The following ANKS1B variants were observed in gnomAD, a reference collection of about 807,000 sequenced individuals.
ANKS1B encodes ankyrin repeat and sterile alpha motif domain containing 1B.
ANKS1B carries 36 observed loss-of-function variants against 148.3 expected under a neutral mutation model. The ratio of observed to expected loss-of-function variants is 0.24; its 90% confidence interval spans 0.19 to 0.32. The LOEUF (loss-of-function observed/expected upper bound fraction) is 0.32. Ranked by LOEUF, ANKS1B falls within the 10% of genes least tolerant of loss-of-function variation. The probability of loss-of-function intolerance (pLI) is 1.00; values close to 1 mark genes in which losing one functional copy is unlikely to be tolerated. For missense variants in ANKS1B, 1,157 were observed against 1,542.6 expected, an observed-to-expected ratio of 0.75 and a Z score of 4.19; for synonymous variants, 542 against 560.8, an observed-to-expected ratio of 0.97 and a Z score of 0.47.
At chr12:99,766,457 G>C (rs911859700) in intron 8 of ANKS1B, among the ~76,000 whole-genome samples, 1 of 152,096 alleles carries the variant, frequency 6.6e-6, no homozygotes, top group South Asian at 2.1e-4. Flanking sequence ...CCTGAGGTGA[G>C]GGTAGGAACA....
chr12:98,956,156 C>T (rs2099861844), intron 17 of ANKS1B, among the ~76,000 whole-genome samples: 1 of 152,180 alleles, frequency 6.6e-6, no homozygotes, highest in Non-Finnish European at 1.5e-5. Flanking sequence ...TGAGTGGGCA[C>T]CACTAGGCAT....
chr12:99,841,007 A>G (rs912873183), intron 1 of ANKS1B, among the ~76,000 whole-genome samples: 1 of 152,122 alleles, frequency 6.6e-6, no homozygotes, highest in Non-Finnish European at 1.5e-5. Context: ...CATAATGGAT[A>G]AAAGCACGGA....
At chr12:99,314,870 T>A (rs879909184) in intron 12 of ANKS1B, among the ~76,000 whole-genome samples, 3 of 152,148 alleles carry the variant, frequency 2.0e-5, no homozygotes, top group African/African-American at 4.8e-5. Flanking sequence ...AAAGATTTCA[T>A]GACAAAAACA....
chr12:99,126,186 G>A (rs1166903790), intron 15 of ANKS1B, among the ~76,000 whole-genome samples: 1 of 152,104 alleles, frequency 6.6e-6, no homozygotes, highest in Non-Finnish European at 1.5e-5. Context: ...TTGGAGTTTT[G>A]GGAGAAGCGA....
chr12:98,915,493 A>C (rs2099793092), intron 17 of ANKS1B, among the ~76,000 whole-genome samples: 1 of 152,142 alleles, frequency 6.6e-6, no homozygotes, highest in African/African-American at 2.4e-5. Flanking sequence ...CTGGGACTAC[A>C]GGCATGTATC....
intron 14 of ANKS1B, among the ~76,000 whole-genome samples, chr12:99,216,493 C>T (rs1230594175): frequency 6.6e-6 from 1 of 151,978 alleles, no homozygotes; most frequent in Admixed American, 6.6e-5. Flanking sequence ...ATACACATTT[C>T]TTTTTTTAAA....
chr12:99,236,908 A>G (rs1027143789), intron 14 of ANKS1B, among the ~76,000 whole-genome samples: 4 of 152,162 alleles, frequency 2.6e-5, no homozygotes, highest in Non-Finnish European at 5.9e-5. Context: ...ACGAGAACAC[A>G]TGGACACACA....
chr12:99,366,089 C>T (rs1018591782), intron 12 of ANKS1B, among the ~76,000 whole-genome samples: 2 of 152,180 alleles, frequency 1.3e-5, no homozygotes, highest in Admixed American at 6.5e-5. Context: ...GGGCAGCCCC[C>T]TCTGGACTGT....
At chr12:99,494,185 T>C (rs1040271617) in intron 10 of ANKS1B, among the ~76,000 whole-genome samples, 1 of 152,288 alleles carries the variant, frequency 6.6e-6, no homozygotes, top group East Asian at 1.9e-4. Context: ...CCCTTTTTGA[T>C]TTTGTGACAT....
intron 16 of ANKS1B, among the ~76,000 whole-genome samples, chr12:99,062,876 C>T (rs1329947360): frequency 1.3e-5 from 2 of 152,132 alleles, no homozygotes; most frequent in East Asian, 1.9e-4. Flanking sequence ...CTTGAAATTA[C>T]GGATCTGACA....
chr12:98,769,357 C>A lies in ANKS1B; in HGVS notation c.3579+3685G>T, dbSNP rs377647673. ...GTTGCATCTCAGAATTGCTCAAAGT[C>A]CCAGGTCAAGGGTGGTGGCCTTTGT... is the stretch of plus-strand genomic sequence containing the variant. On this transcript the variant is annotated intron_variant, in intron 25 of 26. Transcript: ENST00000683438. Among the ~76,000 whole-genome samples, 98 of 151,716 alleles carry A rather than the reference C, an allele frequency of 6.5e-4. 1 individual carries two copies. In the East Asian group the frequency reaches 0.015, roughly 23 times the overall value.
At chr12:99,273,092 G>T (rs1479237614) in intron 12 of ANKS1B, among the ~76,000 whole-genome samples, 2 of 152,188 alleles carry the variant, frequency 1.3e-5, no homozygotes, top group African/African-American at 4.8e-5. Flanking sequence ...CTGAAATCCA[G>T]TTGGGTGCAG....
intron 2 of ANKS1B, 93 bp from the exon 3 acceptor site, chr12:99,812,404 G>C (rs529887102): frequency 7.5e-7 from 1 of 1,331,146 alleles, no homozygotes; most frequent in African/African-American, 1.5e-5. Context: ...TGCTGGGTGG[G>C]AATTTAGAGT....
At chr12:99,592,204 T>C (rs2097709637) in intron 9 of ANKS1B, among the ~76,000 whole-genome samples, 1 of 152,162 alleles carries the variant, frequency 6.6e-6, no homozygotes, top group South Asian at 2.1e-4. Context: ...AAAATTGTAA[T>C]GACTAGAACC....
chr12:99,529,869 AT>A (rs964155172), intron 9 of ANKS1B, among the ~76,000 whole-genome samples: 2 of 152,090 alleles, frequency 1.3e-5, no homozygotes, highest in Non-Finnish European at 2.9e-5. Flanking sequence ...ATACTAAAAC[AT>A]TTTTTTCGAA....
At chr12:98,968,006 G>T (rs905067043) in intron 17 of ANKS1B, among the ~76,000 whole-genome samples, 8 of 152,080 alleles carry the variant, frequency 5.3e-5, no homozygotes, top group African/African-American at 1.9e-4. Context: ...ATTCAAGAGG[G>T]CATTTTTGGG....
chr12:99,674,474 A>C (rs1458718877), intron 8 of ANKS1B, among the ~76,000 whole-genome samples: 1 of 151,862 alleles, frequency 6.6e-6, no homozygotes, highest in African/African-American at 2.4e-5. Context: ...AATGTATGAC[A>C]AAGAATATAA....
rs117747338 is a variant in ANKS1B, at chr12:99,902,623, G to A, written c.135-77234C>T. On this transcript the variant is annotated intron_variant, in intron 1 of 26. Coordinates refer to ENST00000683438, the MANE Select transcript of ANKS1B (RefSeq NM_001352186.2). ...GGAAGGAATCAGGGATGATTTCTAGGTTACTTGGGTTGAGCAGCTGTGTAT... is the reference window on the plus strand; with the variant it reads ...GGAAGGAATCAGGGATGATTTCTAGATTACTTGGGTTGAGCAGCTGTGTAT... Among the ~76,000 whole-genome samples the A allele has an allele frequency of 1.7e-3, 254 of 152,208 alleles. 9 individuals are homozygous for A. In the East Asian group the frequency reaches 0.041, roughly 24 times the overall value.
chr12:98,927,658 T>C (rs1466370400), intron 17 of ANKS1B, among the ~76,000 whole-genome samples: 2 of 151,876 alleles, frequency 1.3e-5, no homozygotes, highest in Non-Finnish European at 2.9e-5. Flanking sequence ...GGAATGAAGC[T>C]ATATTGAAGC....
Sources: allele counts gnomAD v4.1 joint callset (sites outside exome capture counted in the v4.1 genomes callset), GRCh38; gene constraint gnomAD v4.1.1; transcripts MANE v1.5; gene names NCBI Gene and HGNC (gene_info 2026-07-23, HGNC 2026-07-21).